The following R3HCC1L variants were observed in gnomAD, a reference collection of about 807,000 sequenced individuals.
R3HCC1L encodes R3H domain and coiled-coil containing 1 like.
Under a neutral mutation model 59.9 loss-of-function variants are expected in R3HCC1L, and 51 were observed. The ratio of observed to expected loss-of-function variants is 0.85; its 90% CI spans 0.68 to 1.07. The LOEUF is 1.07. R3HCC1L is among the 50% of genes least tolerant of loss of function. The pLI, the probability that R3HCC1L is intolerant of heterozygous loss-of-function variation, is 0.00. For synonymous variants in R3HCC1L, 322 were observed against 315.2 expected (o/e 1.02, Z -0.23); for missense variants, 965 against 933.0 (o/e 1.03, Z -0.45).
Position 98,226,213 on chromosome 10 carries a change from AGC to A in R3HCC1L, c.1786-5298_1786-5297del, listed in dbSNP as rs536406784. ...TTGTATCTTTGACAGTGTATTATTT[AGC>A]CCCAATTTATGAATGTACAAACATG... On this transcript the variant is annotated intron_variant, in intron 5 of 9. Transcript: ENST00000298999. 3.3e-5 allele frequency among the ~76,000 whole-genome samples: 5 copies of A among 152,322 alleles called. No homozygotes were observed. In the South Asian group the frequency reaches 1.0e-3, roughly 32 times the overall value.
At chr10:98,194,545 G>A (rs6584175) in intron 4 of R3HCC1L, among the ~76,000 whole-genome samples, 150,993 of 152,314 alleles carry the variant, frequency 0.99, 74,859 homozygotes, top group East Asian at 1. Flanking sequence ...AACACAGCCT[G>A]AGGAATAGGA....
At chr10:98,239,602 A>T (rs1242407539) in intron 9 of R3HCC1L, among the ~76,000 whole-genome samples, 4 of 152,148 alleles carry the variant, frequency 2.6e-5, no homozygotes, top group African/African-American at 9.7e-5. Context: ...GTTTTTCTTT[A>T]TAAAACCCAG....
At chr10:98,181,334 T>C (rs1489150776) in intron 4 of R3HCC1L, among the ~76,000 whole-genome samples, 2 of 152,230 alleles carry the variant, frequency 1.3e-5, no homozygotes, top group African/African-American at 4.8e-5. Flanking sequence ...TCTTTAAGAA[T>C]GTTGAATATT....
At chr10:98,217,199 A>G (rs1854306358) in intron 5 of R3HCC1L, among the ~76,000 whole-genome samples, 1 of 152,212 alleles carries the variant, frequency 6.6e-6, no homozygotes, top group Non-Finnish European at 1.5e-5. Context: ...GTTTTTGTAT[A>G]TGGTAAGAGA....
intron 4 of R3HCC1L, among the ~76,000 whole-genome samples, chr10:98,203,802 A>G (rs939257167): frequency 1.4e-4 from 21 of 152,232 alleles, no homozygotes; most frequent in African/African-American, 4.8e-4. Flanking sequence ...GGAGCCGTGG[A>G]AACTGTAGAA....
rs562287266 is a variant in R3HCC1L, at chr10:98,166,531, G to A, written c.-15+3134G>A. ...TGAACTTCTAAATCTGTTTCTAAAGGCCTAGCCTCAGTTCCACCCACTTTA... is the reference window on the plus strand; with the variant it reads ...TGAACTTCTAAATCTGTTTCTAAAGACCTAGCCTCAGTTCCACCCACTTTA... On this transcript the variant is annotated intron_variant, in intron 4 of 9. Coordinates refer to ENST00000298999, the MANE Select transcript of R3HCC1L (RefSeq NM_001351015.2). Among the ~76,000 whole-genome samples, 235 of 152,154 alleles carry A rather than the reference G, an allele frequency of 1.5e-3. 5 individuals carry two copies. The South Asian group carries it at 0.047, about 30-fold the overall frequency.
chr10:98,139,632 G>C (rs568746876), intron 1 of R3HCC1L, among the ~76,000 whole-genome samples: 1 of 152,302 alleles, frequency 6.6e-6, no homozygotes, highest in East Asian at 1.9e-4. Context: ...AGAAATTCCA[G>C]TTGTCAAAGC....
intron 4 of R3HCC1L, among the ~76,000 whole-genome samples, chr10:98,188,985 A>G (rs1049818201): frequency 6.6e-6 from 1 of 152,202 alleles, no homozygotes; most frequent in African/African-American, 2.4e-5. Flanking sequence ...TAAAATAGTC[A>G]AGTGAGTTGT....
chr10:98,155,225 G>A (rs986159196), intron 1 of R3HCC1L, among the ~76,000 whole-genome samples: 34 of 152,202 alleles, frequency 2.2e-4, no homozygotes, highest in Admixed American at 1.2e-3. Context: ...AGATAAATGA[G>A]CAGATTTAAT....
rs2134025424 is a variant in R3HCC1L, at chr10:98,152,527, C to T, written c.-267-3566C>T. Among the ~76,000 whole-genome samples, 2 of 133,690 alleles carry T rather than the reference C, an allele frequency of 1.5e-5. 1 individual carries two copies. Among genetic ancestry groups the T allele is most frequent in the South Asian group, 6.0e-4 (2 of 3,346 alleles). 87.7% of individuals were successfully genotyped at this position (133,690 alleles called of 152,430 possible). ...AGTGAGGAGCGTCTCTGCCCGGCCGCCCAGTCTGGGAAGTGAGGAGCGCCT... is the reference window on the plus strand; with the variant it reads ...AGTGAGGAGCGTCTCTGCCCGGCCGTCCAGTCTGGGAAGTGAGGAGCGCCT... On this transcript the variant is annotated intron_variant, in intron 1 of 9. Transcript: ENST00000298999.
At position 98,236,043 on chromosome 10, in the gene R3HCC1L, G is replaced by A. The variant is rs1250957478; in HGVS notation, c.2148G>A (p.Lys716=). The change falls in exon 9 of 10, where the codon AAG becomes AAA. Residue 716 remains lysine (K), a synonymous_variant. Transcript: ENST00000298999. ...ATTCAGAGTTCCTCCAGCCAGCAAA[G>A]GAGCGTCCTGAGACTTCAGCAGCCC... ...RAYAEFLQPA[K]ERPETSAALA... 6.2e-7 allele frequency: 1 copy of A among 1,613,704 alleles called. No homozygotes were observed. The highest frequency in any genetic ancestry group is 1.3e-5 in the African/African-American group (1 of 74,896).
chr10:98,182,020 G>C (rs560183793), intron 4 of R3HCC1L, among the ~76,000 whole-genome samples: 15 of 152,224 alleles, frequency 9.9e-5, no homozygotes, highest in African/African-American at 3.6e-4. Flanking sequence ...CTGTCAACTC[G>C]TCAAAGTCAT....
At chr10:98,172,324 G>A (rs549152690) in intron 4 of R3HCC1L, among the ~76,000 whole-genome samples, 49 of 152,250 alleles carry the variant, frequency 3.2e-4, no homozygotes, top group African/African-American at 1.1e-3. Flanking sequence ...TATTCCCTTT[G>A]GGCTTGAGCT....
At chr10:98,219,652 C>T (rs746281011) in intron 5 of R3HCC1L, among the ~76,000 whole-genome samples, 1 of 152,122 alleles carries the variant, frequency 6.6e-6, no homozygotes, top group African/African-American at 2.4e-5. Context: ...CTTTCACTTC[C>T]AGGTGTAAGA....
intron 5 of R3HCC1L, among the ~76,000 whole-genome samples, chr10:98,221,525 G>A (rs892967088): frequency 2.6e-5 from 4 of 151,740 alleles, no homozygotes; most frequent in Admixed American, 2.0e-4. Context: ...TAACGTTTAA[G>A]TCTTTAATCC....
chr10:98,136,669 C>G (rs931361628), intron 1 of R3HCC1L, among the ~76,000 whole-genome samples: 1 of 152,124 alleles, frequency 6.6e-6, no homozygotes, highest in Non-Finnish European at 1.5e-5. Context: ...AACCCCATCT[C>G]TATTAAAAGT....
At chr10:98,228,635 G>A (rs985632523) in intron 5 of R3HCC1L, among the ~76,000 whole-genome samples, 4 of 152,160 alleles carry the variant, frequency 2.6e-5, no homozygotes, top group African/African-American at 9.7e-5. Context: ...TGCTTTTGGT[G>A]TTTTAGACAT....
chr10:98,240,052 TCCCAGCATTTTGGGATG>T (rs1857363240), intron 9 of R3HCC1L, among the ~76,000 whole-genome samples: 2 of 152,192 alleles, frequency 1.3e-5, no homozygotes, highest in South Asian at 4.1e-4. Context: ...ACTCCTGTAA[TCCCAGCATTTTGGGATG>T]CCAAAGTGGG....
chr10:98,180,310 A>T (rs1026331436), intron 4 of R3HCC1L, among the ~76,000 whole-genome samples: 1 of 152,148 alleles, frequency 6.6e-6, no homozygotes, highest in Non-Finnish European at 1.5e-5. Flanking sequence ...TAATTTCATT[A>T]TTTATGAAAT....
Sources: allele counts gnomAD v4.1 joint callset (sites outside exome capture counted in the v4.1 genomes callset), GRCh38; gene constraint gnomAD v4.1.1; transcripts MANE v1.5; gene names NCBI Gene and HGNC (gene_info 2026-07-23, HGNC 2026-07-21).